CTDP1: variants seen among roughly 807,000 people sequenced by gnomAD.
CTDP1 encodes CTD phosphatase 1.
In CTDP1, 47 loss-of-function variants were observed where a neutral mutation model predicts 91.8. The ratio of observed to expected loss-of-function variants is 0.51; its 90% CI spans 0.41 to 0.65. The LOEUF is 0.65. CTDP1 is among the 30% of genes least tolerant of loss of function. The pLI, the probability that CTDP1 is intolerant of heterozygous loss-of-function variation, is 0.00. For missense variants in CTDP1, 1,272 were observed against 1,373.7 expected, an observed-to-expected ratio of 0.93 and a Z score of 1.17; for synonymous variants, 656 against 598.5, an observed-to-expected ratio of 1.10 and a Z score of -1.40.
At chr18:79,709,203 C>T (rs904417958) in intron 5 of CTDP1, among the ~76,000 whole-genome samples, 2 of 152,158 alleles carry the variant, frequency 1.3e-5, no homozygotes, top group Admixed American at 6.5e-5. Context: ...TTGTTTAGTA[C>T]CCCTACTTCT....
At chr18:79,743,894 T>C (rs1216681526) in intron 12 of CTDP1, among the ~76,000 whole-genome samples, 3 of 152,190 alleles carry the variant, frequency 2.0e-5, no homozygotes, top group Admixed American at 2.0e-4. Context: ...AAAGTCACAC[T>C]GGGAACTGCT....
At chr18:79,704,672 G>A (rs947288485) in intron 4 of CTDP1, 95 bp from the exon 5 acceptor site, 109 of 1,518,862 alleles carry the variant, frequency 7.2e-5, no homozygotes, top group Admixed American at 1.0e-4. Flanking sequence ...GGGCACACGT[G>A]TGTTCTCAGG....
chr18:79,706,586 A>G (rs1338390896), intron 5 of CTDP1, among the ~76,000 whole-genome samples: 1 of 151,824 alleles, frequency 6.6e-6, no homozygotes, highest in Admixed American at 6.6e-5. Context: ...AATTTTGCCT[A>G]GTTTGTCTTA....
intron 1 of CTDP1, chr18:79,685,554 A>G (rs1447290336): frequency 6.6e-6 from 1 of 152,228 alleles, no homozygotes; most frequent in African/African-American, 2.4e-5. Context: ...GCCACAGAGA[A>G]GCAGAAAAAC....
intron 12 of CTDP1, among the ~76,000 whole-genome samples, chr18:79,742,680 G>C (rs1324441657): frequency 6.6e-6 from 1 of 152,246 alleles, no homozygotes; most frequent in Non-Finnish European, 1.5e-5. Context: ...CTGGACATGT[G>C]GTGGCTGTGG....
Position 79,680,197 on chromosome 18 carries a change from A to G in CTDP1, c.250A>G (p.Arg84Gly). The G allele has an allele frequency of 7.3e-7, 1 of 1,377,282 alleles. No individual in the cohort carries two copies. Among genetic ancestry groups the G allele is most frequent in the Non-Finnish European group, 9.3e-7 (1 of 1,071,824 alleles). The allele number at this position is 1,377,282 out of a possible 1,614,324, so 85.3% of individuals were successfully genotyped here. Reference sequence around the variant, plus strand: ...CCCCGCGCGGCCGGAACGCAGGCTGAGGTCGGAGCGCGCGGGCGTGGTGCG... The same window carrying G: ...CCCCGCGCGGCCGGAACGCAGGCTGGGGTCGGAGCGCGCGGGCGTGGTGCG... Reference protein sequence around the residue: ...VRPARPERRLRSERAGVVREL... With the variant: ...VRPARPERRLGSERAGVVREL... The change falls in exon 1 of 13, where the codon AGG becomes GGG. Residue 84 changes from arginine to glycine, a missense_variant. Physicochemically the swap from Arg to Gly is moderately radical, Grantham distance 125 (BLOSUM62 -2). Transcript: ENST00000613122.
chr18:79,725,298 G>C (rs527726791), intron 10 of CTDP1, among the ~76,000 whole-genome samples: 2 of 152,150 alleles, frequency 1.3e-5, no homozygotes, highest in Non-Finnish European at 2.9e-5. Flanking sequence ...GGTGGGAAGC[G>C]CCCCACCCTC....
intron 4 of CTDP1, among the ~76,000 whole-genome samples, chr18:79,699,261 TTTTG>T (rs979380856): frequency 4.9e-4 from 74 of 152,136 alleles, no homozygotes; most frequent in African/African-American, 1.7e-3. Flanking sequence ...CACTAAGGTT[TTTTG>T]TTTGTTTGTT....
intron 3 of CTDP1, among the ~76,000 whole-genome samples, chr18:79,696,777 G>A (rs930811878): frequency 6.6e-6 from 1 of 152,182 alleles, no homozygotes; most frequent in African/African-American, 2.4e-5. Context: ...ATGTATTTCA[G>A]GAGTTGCTGG....
In CTDP1 at chr18:79,737,005, G is replaced by A. The variant is rs560795589; in HGVS notation, c.2747+484G>A. On this transcript the variant is annotated intron_variant, in intron 12 of 12. Transcript: ENST00000613122. ...ATGGCACTGCTGGTCAGGAGCCAGC[G>A]TCCTGCATGTCGAGGGTGGTGCCTG... Among the ~76,000 whole-genome samples, 10 of 152,316 alleles carry A rather than the reference G, an allele frequency of 6.6e-5. No individual in the cohort carries two copies. The East Asian group carries it at 7.7e-4, about 12-fold the overall frequency.
At chr18:79,688,016 G>A (rs1052015234) in intron 1 of CTDP1, among the ~76,000 whole-genome samples, 7 of 152,232 alleles carry the variant, frequency 4.6e-5, no homozygotes, top group Admixed American at 6.5e-5. Context: ...TTGGGAATCA[G>A]GCTGGGCTGC....
At chr18:79,728,106 A>T (rs2086488321) in intron 10 of CTDP1, among the ~76,000 whole-genome samples, 2 of 151,786 alleles carry the variant, frequency 1.3e-5, no homozygotes, top group African/African-American at 4.8e-5. Flanking sequence ...TTTTTTCGTG[A>T]ATTTTTTTTT....
At position 79,713,286 on chromosome 18, in the gene CTDP1, T is replaced by C. The variant is rs1645945200; in HGVS notation, c.1030+148T>C. The stretch of plus-strand genomic sequence containing the variant: ...CAGTAGAGATTATTGGATTTATTTA[T>C]AGAGTACTGAAAAACAGGATATTAG... On this transcript the variant is annotated intron_variant, in intron 7 of 12. Transcript: ENST00000613122. This position sits in a 1 kb window ranked among gnomAD's most constrained non-coding sequence, Gnocchi z 4.7. 1 of 963,890 alleles carries C rather than the reference T, an allele frequency of 1.0e-6. No homozygotes were observed. The highest frequency in any genetic ancestry group is 1.6e-5 in the South Asian group (1 of 63,124). 59.7% of individuals were successfully genotyped at this position (963,890 alleles called of 1,614,324 possible).
intron 1 of CTDP1, among the ~76,000 whole-genome samples, chr18:79,692,721 A>G (rs1206397403): frequency 7.0e-5 from 10 of 143,146 alleles, no homozygotes; most frequent in African/African-American, 1.9e-4. Context: ...CGTGGGGCAG[A>G]GGGTAGAGCA....
intron 4 of CTDP1, among the ~76,000 whole-genome samples, chr18:79,704,377 T>A (rs2085920719): frequency 6.6e-6 from 1 of 151,538 alleles, no homozygotes; most frequent in African/African-American, 2.4e-5. Flanking sequence ...CACACGCATG[T>A]CCTCTGTCCC....
At chr18:79,696,249 C>T (rs1454852987) in intron 3 of CTDP1, among the ~76,000 whole-genome samples, 179 bp downstream of exon 3, 2 of 152,166 alleles carry the variant, frequency 1.3e-5, no homozygotes, top group African/African-American at 4.8e-5. Context: ...GGACGGTTGC[C>T]CTTGGTTCTC....
chr18:79,723,544 A>G (rs1345239727), intron 10 of CTDP1, among the ~76,000 whole-genome samples: 1 of 152,168 alleles, frequency 6.6e-6, no homozygotes, highest in African/African-American at 2.4e-5. Flanking sequence ...AGGCTGGCTC[A>G]CTGGGGACCT....
chr18:79,717,741 A>G, intron 9 of CTDP1, 65 bp downstream of exon 9: 2 of 1,613,810 alleles, frequency 1.2e-6, no homozygotes, highest in Non-Finnish European at 1.7e-6. Context: ...CTGTTGGTTC[A>G]TGCACCTGGG....
intron 12 of CTDP1, 92 bp downstream of exon 12, chr18:79,736,613 C>T (rs1599301420): frequency 7.9e-7 from 1 of 1,258,316 alleles, no homozygotes; most frequent in East Asian, 2.6e-5. Flanking sequence ...TCTCATTCTT[C>T]ACGCCCTCCA....
Sources: allele counts gnomAD v4.1 joint callset (sites outside exome capture counted in the v4.1 genomes callset), GRCh38; gene constraint gnomAD v4.1.1; non-coding constraint Gnocchi (gnomAD v3.1); transcripts MANE v1.5; gene names NCBI Gene and HGNC (gene_info 2026-07-23, HGNC 2026-07-21).